The following PAK5 variants were observed in gnomAD, a reference collection of about 807,000 sequenced individuals.
PAK5 encodes p21 (RAC1) activated kinase 5.
Under a neutral mutation model 65.9 loss-of-function variants are expected in PAK5, and 16 were observed. The ratio of observed to expected loss-of-function variants is 0.24; its 90% confidence interval spans 0.16 to 0.37. The LOEUF (loss-of-function observed/expected upper bound fraction) is 0.37. PAK5 is among the 10% of genes least tolerant of loss of function. The pLI is 1.00. For synonymous variants in PAK5, 371 were observed against 354.9 expected (o/e 1.05, Z -0.51); for missense variants, 785 against 903.9 (o/e 0.87, Z 1.69).
At chr20:9,655,957 C>T (rs916384372) in intron 2 of PAK5, among the ~76,000 whole-genome samples, 6 of 152,008 alleles carry the variant, frequency 3.9e-5, no homozygotes, top group African/African-American at 9.7e-5. Context: ...AAACTAATGA[C>T]CTCATTTTAA....
At chr20:9,587,358 T>C (rs1388462183) in intron 3 of PAK5, among the ~76,000 whole-genome samples, 1 of 152,194 alleles carries the variant, frequency 6.6e-6, no homozygotes, top group Non-Finnish European at 1.5e-5. Flanking sequence ...TAATTACAAT[T>C]GTTACATAAA....
intron 1 of PAK5, among the ~76,000 whole-genome samples, chr20:9,746,253 G>A (rs894799170): frequency 2.0e-5 from 3 of 152,086 alleles, no homozygotes; most frequent in African/African-American, 7.2e-5. Context: ...CTTTCCCATT[G>A]AGGGCTGCCT....
intron 1 of PAK5, among the ~76,000 whole-genome samples, chr20:9,754,441 C>T (rs930552753): frequency 6.6e-6 from 1 of 151,948 alleles, no homozygotes; most frequent in African/African-American, 2.4e-5. Flanking sequence ...CTGGGTGGGG[C>T]CATGAGACCA....
intron 1 of PAK5, among the ~76,000 whole-genome samples, chr20:9,715,676 GA>G (rs1259855161): frequency 1.3e-5 from 2 of 151,932 alleles, no homozygotes; most frequent in African/African-American, 4.8e-5. Context: ...ACAGAATTAA[GA>G]AAATGTGGCA....
chr20:9,623,435 A>T (rs1004770149), intron 3 of PAK5, among the ~76,000 whole-genome samples: 6 of 152,206 alleles, frequency 3.9e-5, no homozygotes, highest in Admixed American at 3.3e-4. Flanking sequence ...ACATTAAATA[A>T]AGCATTAAGT....
chr20:9,652,348 A>G (rs1221780333), intron 2 of PAK5, among the ~76,000 whole-genome samples: 1 of 152,246 alleles, frequency 6.6e-6, no homozygotes. Context: ...GGGAAAATGA[A>G]ACATAGATTA....
rs2047687537 is a variant in PAK5 at position 9,684,201 on chromosome 20, AG to A, written c.-12+27084del. Reference sequence around the variant, plus strand: ...ACTGGAACCAGGAGCTGTAGTTGTTAGGAGAACACTGACTCTCTGGAAATAA... The same window carrying A: ...ACTGGAACCAGGAGCTGTAGTTGTTAGAGAACACTGACTCTCTGGAAATAA... On this transcript the variant is annotated intron_variant, in intron 2 of 9. Transcript: ENST00000353224. Among the ~76,000 whole-genome samples, 3 of 152,334 alleles carry A rather than the reference AG, an allele frequency of 2.0e-5. No individual in the cohort carries two copies. In the South Asian group the frequency reaches 6.2e-4, roughly 32 times the overall value.
chr20:9,591,770 T>C (rs2046175795), intron 3 of PAK5, among the ~76,000 whole-genome samples: 1 of 152,148 alleles, frequency 6.6e-6, no homozygotes, highest in Non-Finnish European at 1.5e-5. Flanking sequence ...GTACAAGGCA[T>C]ATTTATTTTA....
At chr20:9,592,508 T>C (rs184442037) in intron 3 of PAK5, among the ~76,000 whole-genome samples, 1 of 152,330 alleles carries the variant, frequency 6.6e-6, no homozygotes, top group African/African-American at 2.4e-5. Context: ...CAAGAATACA[T>C]ACATTTGTAA....
chr20:9,601,333 G>C (rs1342612623), intron 3 of PAK5, among the ~76,000 whole-genome samples: 2 of 152,160 alleles, frequency 1.3e-5, no homozygotes. Context: ...CTACCAGAAT[G>C]GGGGAAAGAG....
intron 3 of PAK5, among the ~76,000 whole-genome samples, chr20:9,603,140 C>T (rs1050250383): frequency 1.4e-4 from 21 of 152,322 alleles, no homozygotes; most frequent in African/African-American, 4.3e-4. Context: ...AGATTATAGA[C>T]GCCTCCGGTG....
intron 4 of PAK5, among the ~76,000 whole-genome samples, 178 bp downstream of exon 4, chr20:9,579,967 C>A (rs534503359): frequency 6.6e-6 from 1 of 152,280 alleles, no homozygotes; most frequent in East Asian, 1.9e-4. Flanking sequence ...AATATATATG[C>A]CTTATCCTAA....
rs2049475398 is a variant in PAK5, at chr20:9,825,650, G to A, written c.-162+13112C>T. ...TGTTGAAAGAAATTTTGAAAAAGTAGTTGCAGCAGCCTATTTATGCAAATG... is the reference window on the plus strand; with the variant it reads ...TGTTGAAAGAAATTTTGAAAAAGTAATTGCAGCAGCCTATTTATGCAAATG... On this transcript the variant is annotated intron_variant, in intron 1 of 9. Coordinates refer to ENST00000353224, the MANE Select transcript of PAK5 (RefSeq NM_177990.4). 2.0e-5 allele frequency among the ~76,000 whole-genome samples: 3 copies of A among 152,104 alleles called. No individual in the cohort carries two copies. In the South Asian group the frequency reaches 6.2e-4, roughly 31 times the overall value.
intron 2 of PAK5, among the ~76,000 whole-genome samples, chr20:9,705,891 G>C (rs1393080375): frequency 6.6e-6 from 1 of 152,146 alleles, no homozygotes; most frequent in African/African-American, 2.4e-5. Context: ...CCTCTGAGGA[G>C]CTTGAGATGC....
At chr20:9,732,703 T>C (rs766500690) in intron 1 of PAK5, among the ~76,000 whole-genome samples, 1 of 152,202 alleles carries the variant, frequency 6.6e-6, no homozygotes. Flanking sequence ...AAGGGTTCTC[T>C]AATCTTGGAT....
At chr20:9,765,544 C>T (rs1180898883) in intron 1 of PAK5, among the ~76,000 whole-genome samples, 1 of 152,020 alleles carries the variant, frequency 6.6e-6, no homozygotes, top group Non-Finnish European at 1.5e-5. Context: ...TCTATGAGAG[C>T]TGTTTTTGCA....
At chr20:9,828,763 A>C (rs1978480371) in intron 1 of PAK5, among the ~76,000 whole-genome samples, 1 of 152,210 alleles carries the variant, frequency 6.6e-6, no homozygotes, top group Admixed American at 6.5e-5. Context: ...TTTTAATTGG[A>C]AATGAAGCTA....
At chr20:9,611,952 C>A (rs2046568826) in intron 3 of PAK5, among the ~76,000 whole-genome samples, 1 of 152,150 alleles carries the variant, frequency 6.6e-6, no homozygotes, top group Non-Finnish European at 1.5e-5. Flanking sequence ...TCCATAAATT[C>A]TTTGTGCAGG....
intron 1 of PAK5, among the ~76,000 whole-genome samples, chr20:9,806,585 T>C (rs2049235539): frequency 6.6e-6 from 1 of 152,150 alleles, no homozygotes; most frequent in Admixed American, 6.6e-5. Flanking sequence ...AATGAGTTTG[T>C]CCTGCAAAGA....
Sources: gnomAD v4.1 joint callset for allele counts (sites outside exome capture counted in the v4.1 genomes callset) on GRCh38, gnomAD v4.1.1 for gene constraint, MANE v1.5 for transcripts, NCBI Gene and HGNC (gene_info 2026-07-23, HGNC 2026-07-21) for gene names.